The following GALNT8 variants were observed in gnomAD, a reference collection of about 807,000 sequenced individuals.
GALNT8 encodes probable polypeptide N-acetylgalactosaminyltransferase 8.
In GALNT8, 66 loss-of-function variants were observed where a neutral mutation model predicts 62.7. That is an observed-to-expected ratio of 1.05 (90% CI 0.86 to 1.29). The LOEUF is 1.29. GALNT8 is among the 50% of genes most tolerant of loss of function. The probability of loss-of-function intolerance (pLI) is 0.00; values close to 1 mark genes in which losing one functional copy is unlikely to be tolerated. For synonymous variants in GALNT8, 288 were observed against 294.3 expected (o/e 0.98, Z 0.22); for missense variants, 771 against 791.8 (o/e 0.97, Z 0.32).
At chr12:4,768,315 A>G (rs1008588853) in intron 10 of GALNT8, 2 of 253,144 alleles carry the variant, frequency 7.9e-6, no homozygotes, top group African/African-American at 2.2e-5. Flanking sequence ...CTTAATAGCT[A>G]TACTTTATCC....
chr12:4,730,544 G>A (rs1448831672), intron 2 of GALNT8, among the ~76,000 whole-genome samples: 1 of 152,074 alleles, frequency 6.6e-6, no homozygotes, highest in East Asian at 1.9e-4. Flanking sequence ...TTATATCTGT[G>A]TTCTATATTC....
At chr12:4,765,760 C>T (rs997982832) in intron 10 of GALNT8, among the ~76,000 whole-genome samples, 1 of 152,150 alleles carries the variant, frequency 6.6e-6, no homozygotes, top group African/African-American at 2.4e-5. Flanking sequence ...GGGTCCATTT[C>T]TATGGCCACT....
intron 3 of GALNT8, among the ~76,000 whole-genome samples, chr12:4,744,308 A>G (rs1946285740): frequency 6.6e-6 from 1 of 152,218 alleles, no homozygotes; most frequent in African/African-American, 2.4e-5. Flanking sequence ...TGTCAGGGAA[A>G]GGACATTAGG....
intron 7 of GALNT8, 25 bp downstream of exon 7, chr12:4,761,168 C>T: frequency 1.3e-6 from 2 of 1,593,164 alleles, no homozygotes; most frequent in Non-Finnish European, 1.7e-6. Context: ...TGAACAGCAG[C>T]ACGGAAGAAT....
At chr12:4,771,772 G>A (rs939247307) in intron 10 of GALNT8, among the ~76,000 whole-genome samples, 2 of 152,132 alleles carry the variant, frequency 1.3e-5, no homozygotes, top group African/African-American at 2.4e-5. Context: ...CAGGAGAGAC[G>A]GTAGTTTGGA....
Position 4,739,042 on chromosome 12 carries a change from G to T in GALNT8, c.510-121G>T, listed in dbSNP as rs117325177. 363 of 539,922 alleles carry T rather than the reference G, an allele frequency of 6.7e-4. 3 individuals carry two copies. In the East Asian group the frequency reaches 8.9e-3, roughly 13 times the overall value. 33.4% of individuals were successfully genotyped at this position (539,922 alleles called of 1,614,324 possible). ...AAGCCACTAAGAGTTTTGCTTTCCA[G>T]TGAGTTTGAGGGGTGGATGAATTGG... is the stretch of plus-strand genomic sequence containing the variant. On this transcript the variant is annotated intron_variant, in intron 2 of 10. Transcript: ENST00000252318.
At chr12:4,767,710 G>T (rs912097105) in intron 10 of GALNT8, among the ~76,000 whole-genome samples, 1 of 152,204 alleles carries the variant, frequency 6.6e-6, no homozygotes, top group African/African-American at 2.4e-5. Context: ...GACCTAGGGT[G>T]CTAAATATGA....
rs58809573 is a variant in GALNT8 at position 4,764,530 on chromosome 12, A to ATTTTTT, written c.1593+509_1593+514dup. Among the ~76,000 whole-genome samples, 153 of 102,202 alleles carry ATTTTTT rather than the reference A, an allele frequency of 1.5e-3. 7 individuals are homozygous for ATTTTTT. Among genetic ancestry groups the ATTTTTT allele is most frequent in the East Asian group, 0.012 (39 of 3,268 alleles). The allele number at this position is 102,202 out of a possible 152,430, so 67.0% of individuals were successfully genotyped here. A position where few individuals can be genotyped will look rare whatever the true frequency, so the allele number is the denominator to read the frequency against. ...ACCATGTGGAAGGTGCAGTCAGGGG[A>ATTTTTT]TTTTTTTTTTTTTTTTTTTTTTTTT... On this transcript the variant is annotated intron_variant, in intron 9 of 10. Transcript: ENST00000252318.
chr12:4,733,694 C>T (rs1045017256), intron 2 of GALNT8, among the ~76,000 whole-genome samples: 1 of 152,354 alleles, frequency 6.6e-6, no homozygotes, highest in East Asian at 1.9e-4. Context: ...CTGCCAGGCT[C>T]CTCTGCCTGT....
chr12:4,752,738 G>T lies in GALNT8; in HGVS notation c.1173+6480G>T, dbSNP rs111785154. 8.3e-3 allele frequency among the ~76,000 whole-genome samples: 1,262 copies of T among 152,204 alleles called. 18 individuals are homozygous for T. Among genetic ancestry groups the T allele is most frequent in the African/African-American group, 0.029 (1,207 of 41,540 alleles). ...AGTTACAGTGTTATAATATTCTGTG[G>T]TTTTCTGTGTACTGACTATCACCAG... On this transcript the variant is annotated intron_variant, in intron 6 of 10. Coordinates refer to ENST00000252318, the MANE Select transcript of GALNT8 (RefSeq NM_017417.2).
Position 4,761,004 on chromosome 12 carries a change from T to C in GALNT8, c.1220T>C (p.Ile407Thr). 6.2e-7 allele frequency: 1 copy of C among 1,614,160 alleles called. No homozygotes were observed. The highest frequency in any genetic ancestry group is 8.5e-7 in the Non-Finnish European group (1 of 1,180,026). The part of the protein sequence containing the change: ...GKVEILPCSR[I>T]AHLERHHKPY... ...GTCGAGATTTTGCCCTGTTCCCGGA[T>C]TGCCCACCTAGAGAGACACCACAAG... Residue 407 changes from isoleucine to threonine, a missense_variant, in exon 7 of 11, where the codon ATT (isoleucine) becomes ACT (threonine). Transcript: ENST00000252318.
intron 7 of GALNT8, 97 bp from the exon 8 acceptor site, chr12:4,763,156 A>G (rs929942727): frequency 7.2e-6 from 7 of 967,066 alleles, no homozygotes; most frequent in Non-Finnish European, 1.1e-5. Flanking sequence ...AAGGACTCAC[A>G]TGCAGAAATA....
chr12:4,745,674 G>A, intron 5 of GALNT8, 48 bp downstream of exon 5: 1 of 1,360,356 alleles, frequency 7.4e-7, no homozygotes, highest in East Asian at 2.3e-5. Flanking sequence ...TGGGAAGGCA[G>A]GAATGAACTG....
chr12:4,769,220 C>T (rs919847861), intron 10 of GALNT8, among the ~76,000 whole-genome samples: 12 of 152,094 alleles, frequency 7.9e-5, no homozygotes, highest in Non-Finnish European at 1.5e-4. Flanking sequence ...GGAGAGCACT[C>T]GTGGTGAGGG....
chr12:4,762,292 C>T (rs974614911), intron 7 of GALNT8, among the ~76,000 whole-genome samples: 2 of 152,112 alleles, frequency 1.3e-5, no homozygotes. Flanking sequence ...ACTGAACTGT[C>T]AAAGGATGAT....
chr12:4,770,244 A>G (rs1415716827), intron 10 of GALNT8, among the ~76,000 whole-genome samples: 2 of 151,710 alleles, frequency 1.3e-5, no homozygotes, highest in Non-Finnish European at 1.5e-5. Context: ...GGAGGTTGCA[A>G]GGAGCCAAGA....
At chr12:4,760,009 T>C (rs7313817) in intron 6 of GALNT8, among the ~76,000 whole-genome samples, 2,593 of 152,352 alleles carry the variant, frequency 0.017, 74 homozygotes, top group African/African-American at 0.059. Context: ...GGTCAAGTTA[T>C]GCAAATTAGT....
At chr12:4,754,120 C>T (rs1946333959) in intron 6 of GALNT8, among the ~76,000 whole-genome samples, 1 of 152,204 alleles carries the variant, frequency 6.6e-6, no homozygotes. Flanking sequence ...GCCACTGTGA[C>T]TGCTCTGGGT....
chr12:4,725,648 C>T (rs937147625), intron 1 of GALNT8, among the ~76,000 whole-genome samples: 33 of 151,506 alleles, frequency 2.2e-4, no homozygotes, highest in African/African-American at 2.9e-4. Flanking sequence ...CTCCACCTCC[C>T]GGGTTCAAGC....
Sources: allele counts gnomAD v4.1 joint callset (sites outside exome capture counted in the v4.1 genomes callset), GRCh38; gene constraint gnomAD v4.1.1; transcripts MANE v1.5; gene names NCBI Gene and HGNC (gene_info 2026-07-23, HGNC 2026-07-21).